The following EXOC4 variants were observed in gnomAD, a reference collection of about 807,000 sequenced individuals.
EXOC4 encodes the protein SEC8-like 1.
A neutral mutation model predicts 107.2 loss-of-function variants in EXOC4; 71 were observed. The ratio of observed to expected loss-of-function variants is 0.66; its 90% CI spans 0.55 to 0.81. The LOEUF is 0.81. Ranked by LOEUF, EXOC4 falls within the 30% of genes least tolerant of loss-of-function variation. EXOC4 has a pLI of 0.00. For synonymous variants in EXOC4, 456 were observed against 441.2 expected, an observed-to-expected ratio of 1.03 and a Z score of -0.42; for missense variants, 1,108 against 1,189.6, an observed-to-expected ratio of 0.93 and a Z score of 1.01.
In EXOC4 at chr7:133,430,669, C is replaced by G. The variant is rs927184756; in HGVS notation, c.1183-44659C>G. Reference sequence around the variant, plus strand: ...GATCATATAGTAACTTTGTGTTTAACTTTTTGAGGAACTGCCAAACTGTTT... The same window carrying G: ...GATCATATAGTAACTTTGTGTTTAAGTTTTTGAGGAACTGCCAAACTGTTT... On this transcript the variant is annotated intron_variant, in intron 7 of 17. Coordinates refer to ENST00000253861, the MANE Select transcript of EXOC4 (RefSeq NM_021807.4). Among the ~76,000 whole-genome samples the G allele has an allele frequency of 1.1e-4, 17 of 152,182 alleles. 1 individual carries two copies. The highest frequency in any genetic ancestry group is 1.1e-3 in the Admixed American group (17 of 15,278).
chr7:134,014,083 A>T (rs1230950095), intron 17 of EXOC4, among the ~76,000 whole-genome samples: 1 of 152,252 alleles, frequency 6.6e-6, no homozygotes, highest in South Asian at 2.1e-4. Flanking sequence ...ACAAATGTTC[A>T]TAGCAAGCAT....
intron 5 of EXOC4, among the ~76,000 whole-genome samples, chr7:133,336,391 A>G (rs1001676293): frequency 6.6e-6 from 1 of 152,118 alleles, no homozygotes; most frequent in Admixed American, 6.5e-5. Context: ...ATGCTCATAT[A>G]TAGTTTTATT....
intron 10 of EXOC4, among the ~76,000 whole-genome samples, chr7:133,814,014 T>C (rs1174516527): frequency 2.6e-5 from 4 of 152,212 alleles, no homozygotes; most frequent in Non-Finnish European, 5.9e-5. Context: ...CTTTGATATG[T>C]GTAGGCAATT....
intron 17 of EXOC4, among the ~76,000 whole-genome samples, chr7:134,036,871 ACTT>A (rs1475985843): frequency 2.0e-5 from 3 of 152,102 alleles, no homozygotes; most frequent in African/African-American, 7.2e-5. Context: ...ACCTTTTAAT[ACTT>A]CGGTTACCTT....
intron 10 of EXOC4, among the ~76,000 whole-genome samples, chr7:133,757,639 T>A (rs1158696618): frequency 6.6e-6 from 1 of 152,254 alleles, no homozygotes; most frequent in Non-Finnish European, 1.5e-5. Flanking sequence ...ATTAACATTC[T>A]TGCAATACTG....
At chr7:133,296,118 C>G (rs1297960601) in intron 3 of EXOC4, among the ~76,000 whole-genome samples, 2 of 152,052 alleles carry the variant, frequency 1.3e-5, no homozygotes, top group Non-Finnish European at 2.9e-5. Flanking sequence ...AATAATTTAT[C>G]AGGAAAGAAT....
At chr7:133,392,808 A>C (rs1343455551) in intron 7 of EXOC4, among the ~76,000 whole-genome samples, 2 of 152,224 alleles carry the variant, frequency 1.3e-5, no homozygotes, top group African/African-American at 4.8e-5. Flanking sequence ...GGTTCATTAC[A>C]AATGGTCTGT....
intron 5 of EXOC4, among the ~76,000 whole-genome samples, chr7:133,321,412 C>T (rs1413621658): frequency 2.0e-5 from 3 of 151,994 alleles, no homozygotes; most frequent in Admixed American, 6.6e-5. Context: ...TAATGCTATC[C>T]CTCCCCTAGC....
Position 134,064,401 on chromosome 7 carries a change from A to T in EXOC4, c.2798A>T (p.His933Leu). ...LEYIHALTLL[H>L]RSQTGVGELT... ...TACATCCACGCTCTGACCCTGCTGC[A>T]CCGCAGCCAGACTGGGGTGGGGGAA... The change falls in exon 18 of 18, where the codon CAC becomes CTC. Residue 933 changes from histidine (H) to leucine (L), a missense_variant. Coordinates refer to ENST00000253861, the MANE Select transcript of EXOC4 (RefSeq NM_021807.4). 6.2e-7 allele frequency: 1 copy of T among 1,607,356 alleles called. No individual in the cohort carries two copies. Among genetic ancestry groups the T allele is most frequent in the Non-Finnish European group, 8.5e-7 (1 of 1,176,364 alleles).
intron 17 of EXOC4, among the ~76,000 whole-genome samples, chr7:134,060,949 A>G (rs1796043690): frequency 6.6e-6 from 1 of 152,176 alleles, no homozygotes. Flanking sequence ...TGTTCATACG[A>G]AGCTCTTGAG....
At chr7:133,711,837 G>C (rs150431655) in intron 10 of EXOC4, among the ~76,000 whole-genome samples, 1 of 152,204 alleles carries the variant, frequency 6.6e-6, no homozygotes, top group Non-Finnish European at 1.5e-5. Context: ...TTGACTGACT[G>C]TAGTACTCAC....
chr7:133,405,810 A>G (rs537263972), intron 7 of EXOC4, among the ~76,000 whole-genome samples: 2 of 152,334 alleles, frequency 1.3e-5, no homozygotes, highest in Admixed American at 6.5e-5. Flanking sequence ...TCATGCACAC[A>G]CTGTCTTGCT....
At chr7:133,352,338 T>C (rs947870040) in intron 5 of EXOC4, among the ~76,000 whole-genome samples, 3 of 152,050 alleles carry the variant, frequency 2.0e-5, no homozygotes, top group Admixed American at 2.0e-4. Flanking sequence ...TCATATATTT[T>C]GATAGTCATT....
chr7:133,526,965 C>T (rs914475063), intron 9 of EXOC4, among the ~76,000 whole-genome samples: 77 of 150,864 alleles, frequency 5.1e-4, no homozygotes, highest in Non-Finnish European at 2.5e-4. Context: ...AGCGAGACTC[C>T]GTCTCAAAAA....
At chr7:133,367,312 T>G (rs1796269265) in intron 6 of EXOC4, among the ~76,000 whole-genome samples, 1 of 152,028 alleles carries the variant, frequency 6.6e-6, no homozygotes, top group Non-Finnish European at 1.5e-5. Context: ...AAGGAATAAC[T>G]GGAGAGGTGG....
intron 10 of EXOC4, among the ~76,000 whole-genome samples, chr7:133,636,326 G>A (rs1188666805): frequency 6.6e-6 from 1 of 152,168 alleles, no homozygotes; most frequent in East Asian, 1.9e-4. Context: ...TGGTTTGGAT[G>A]TTGCTTTCTA....
chr7:133,509,422 C>T (rs911527755), intron 9 of EXOC4, among the ~76,000 whole-genome samples: 6 of 150,802 alleles, frequency 4.0e-5, no homozygotes, highest in East Asian at 1.9e-4. Flanking sequence ...AGCAAGACTC[C>T]GTCTAAAAAA....
At chr7:133,550,809 A>G (rs1800572938) in intron 9 of EXOC4, among the ~76,000 whole-genome samples, 1 of 152,094 alleles carries the variant, frequency 6.6e-6, no homozygotes, top group Admixed American at 6.6e-5. Context: ...TTATTCAGCA[A>G]AACACTAATT....
chr7:133,386,014 G>GTAAAA (rs1796718177), intron 7 of EXOC4, among the ~76,000 whole-genome samples: 1 of 151,694 alleles, frequency 6.6e-6, no homozygotes, highest in African/African-American at 2.4e-5. Context: ...TTCTAATTGT[G>GTAAAA]AATATTCAGG....
Sources: gnomAD v4.1 joint callset for allele counts (sites outside exome capture counted in the v4.1 genomes callset) on GRCh38, gnomAD v4.1.1 for gene constraint, MANE v1.5 for transcripts, NCBI Gene and HGNC (gene_info 2026-07-23, HGNC 2026-07-21) for gene names.